DAB1: variants seen among roughly 807,000 people sequenced by gnomAD.
DAB1 encodes the protein DAB adaptor protein 1.
In DAB1, 15 loss-of-function variants were observed where a neutral mutation model predicts 64.6. The observed-to-expected ratio is 0.23, with a 90% CI of 0.16 to 0.36. DAB1 has a LOEUF of 0.36. Ranked by LOEUF, DAB1 falls within the 10% of genes least tolerant of loss-of-function variation. The probability of loss-of-function intolerance (pLI) is 1.00; values close to 1 mark genes in which losing one functional copy is unlikely to be tolerated. For synonymous variants in DAB1, 235 were observed against 251.9 expected (o/e 0.93, Z 0.64); for missense variants, 596 against 706.7 (o/e 0.84, Z 1.78).
intron 2 of DAB1, among the ~76,000 whole-genome samples, chr1:57,150,159 T>A (rs1659524636): frequency 6.6e-6 from 1 of 152,192 alleles, no homozygotes; most frequent in African/African-American, 2.4e-5. Flanking sequence ...TGCCACAGTG[T>A]CCTAAGCAGT....
chr1:57,271,452 T>G (rs1156553295), intron 2 of DAB1, among the ~76,000 whole-genome samples: 1 of 152,234 alleles, frequency 6.6e-6, no homozygotes, highest in Non-Finnish European at 1.5e-5. Context: ...ATTATTTGTC[T>G]GTTTCCCTGA....
At chr1:57,425,728 G>A (rs1455933693), upstream of DAB1, among the ~76,000 whole-genome samples, 3 of 152,156 alleles carry the variant, frequency 2.0e-5, no homozygotes, top group Non-Finnish European at 2.9e-5. Context: ...TGGGAGGGAG[G>A]TCCTATCCCT....
chr1:57,355,869 A>C (rs1463490957), intron 1 of DAB1, among the ~76,000 whole-genome samples: 2 of 121,302 alleles, frequency 1.6e-5, no homozygotes, highest in African/African-American at 6.6e-5. Flanking sequence ...GTTAAACCTC[A>C]ATAAACACAC....
intron 5 of DAB1, among the ~76,000 whole-genome samples, chr1:57,997,537 A>C (rs1341312831): frequency 6.6e-6 from 1 of 152,086 alleles, no homozygotes; most frequent in African/African-American, 2.4e-5. Flanking sequence ...CCTTCTTCCA[A>C]GGAGGCAAGG....
At chr1:58,112,453 CTA>C (rs1462115889) in intron 5 of DAB1, among the ~76,000 whole-genome samples, 4 of 152,290 alleles carry the variant, frequency 2.6e-5, no homozygotes, top group African/African-American at 9.6e-5. Flanking sequence ...AAAGCAGAGA[CTA>C]TGTTTTATAC....
intron 5 of DAB1, among the ~76,000 whole-genome samples, chr1:57,933,085 T>G (rs1158121513): frequency 6.6e-6 from 1 of 152,210 alleles, no homozygotes; most frequent in East Asian, 1.9e-4. Flanking sequence ...GCAGAGTTAT[T>G]AGAGATAAAA....
intron 9 of DAB1, among the ~76,000 whole-genome samples, chr1:57,061,365 G>A (rs888611083): frequency 3.3e-5 from 5 of 152,132 alleles, no homozygotes; most frequent in Non-Finnish European, 5.9e-5. Context: ...TCCCAACTTG[G>A]AGAATACAGA....
intron 3 of DAB1, among the ~76,000 whole-genome samples, chr1:57,143,826 C>CA (rs1658845803): frequency 6.7e-6 from 1 of 148,548 alleles, no homozygotes; most frequent in South Asian, 2.1e-4. Flanking sequence ...ACCTAACAAG[C>CA]TTTTTTTTTT....
At chr1:58,440,461 C>A (rs706433) in intron 3 of DAB1, among the ~76,000 whole-genome samples, 3 of 152,050 alleles carry the variant, frequency 2.0e-5, no homozygotes, top group Admixed American at 2.0e-4. Flanking sequence ...CTGAGGATAA[C>A]CTCCTGGCCA....
chr1:57,616,346 T>G (rs967347910), intron 7 of DAB1, among the ~76,000 whole-genome samples: 3 of 152,202 alleles, frequency 2.0e-5, no homozygotes, highest in Admixed American at 1.3e-4. Context: ...TCAGTCACTC[T>G]CAATGGCACT....
rs183130680 is a variant in DAB1 at position 58,322,201 on chromosome 1, C to T, written n.309+21151G>A. On this transcript the variant is annotated intron_variant and non_coding_transcript_variant, in intron 4 of 20. Transcript: ENST00000485760. The stretch of plus-strand genomic sequence containing the variant: ...ATGGGCAAAGACCTCATGACTAAAA[C>T]ACCAAAAGTAATGGCAACAAAAGCC... Among the ~76,000 whole-genome samples the T allele has an allele frequency of 2.4e-3, 359 of 152,284 alleles. 3 individuals carry two copies. The highest frequency in any genetic ancestry group is 6.2e-3 in the Admixed American group (95 of 15,306).
intron 6 of DAB1, among the ~76,000 whole-genome samples, chr1:57,688,368 T>G (rs2101709274): frequency 6.6e-6 from 1 of 152,212 alleles, no homozygotes; most frequent in South Asian, 2.1e-4. Context: ...GATTGAGATA[T>G]CATCTGACAC....
intron 3 of DAB1, among the ~76,000 whole-genome samples, chr1:58,403,016 A>G (rs1227144695): frequency 6.6e-6 from 1 of 152,204 alleles, no homozygotes; most frequent in African/African-American, 2.4e-5. Flanking sequence ...TATCAATACC[A>G]TATGACTCTG....
chr1:58,062,772 A>C (rs1648583031), intron 5 of DAB1, among the ~76,000 whole-genome samples: 1 of 152,168 alleles, frequency 6.6e-6, no homozygotes, highest in South Asian at 2.1e-4. Flanking sequence ...AGATGAGTAG[A>C]TACTACACAC....
At chr1:58,104,551 C>T (rs1651520488) in intron 5 of DAB1, among the ~76,000 whole-genome samples, 1 of 152,154 alleles carries the variant, frequency 6.6e-6, no homozygotes, top group African/African-American at 2.4e-5. Flanking sequence ...CAGTGTGCTT[C>T]TGTTCCACAG....
intron 7 of DAB1, among the ~76,000 whole-genome samples, chr1:57,513,059 C>T (rs905011649): frequency 1.3e-5 from 2 of 152,196 alleles, no homozygotes; most frequent in African/African-American, 4.8e-5. Flanking sequence ...AAAACTGAAG[C>T]TCAAAGGCAT....
chr1:58,506,446 A>T (rs1443832271), intron 2 of DAB1, among the ~76,000 whole-genome samples: 2 of 152,176 alleles, frequency 1.3e-5, no homozygotes, highest in Non-Finnish European at 2.9e-5. Context: ...TACATGCTTT[A>T]AAGTCATTTT....
At chr1:57,302,207 G>A (rs147029790) in intron 1 of DAB1, among the ~76,000 whole-genome samples, 12 of 152,196 alleles carry the variant, frequency 7.9e-5, no homozygotes, top group East Asian at 7.7e-4. Flanking sequence ...AGCAATAACC[G>A]TGTTTTCCTG....
chr1:57,852,091 C>A (rs1653551761), intron 1 of DAB1, among the ~76,000 whole-genome samples: 1 of 152,188 alleles, frequency 6.6e-6, no homozygotes, highest in Non-Finnish European at 1.5e-5. Context: ...CCTCTTCTTT[C>A]TCCCCTGAGA....
Sources: gnomAD v4.1 joint callset for allele counts (sites outside exome capture counted in the v4.1 genomes callset) on GRCh38, gnomAD v4.1.1 for gene constraint, MANE v1.5 for transcripts, NCBI Gene and HGNC (gene_info 2026-07-23, HGNC 2026-07-21) for gene names.